Variants in TSPAN5 observed in about 807,000 individuals in gnomAD.
TSPAN5 encodes tetraspanin 5.
Under a neutral mutation model 37.1 loss-of-function variants are expected in TSPAN5, and 10 were observed. That is an observed-to-expected ratio of 0.27 (90% CI 0.17 to 0.46). The LOEUF is 0.46. Among genes scored for constraint, TSPAN5 ranks in the 20% least tolerant of loss-of-function variants. The pLI, the probability that TSPAN5 is intolerant of heterozygous loss-of-function variation, is 1.00. For missense variants in TSPAN5, 195 were observed against 326.6 expected (o/e 0.60, Z 3.11); for synonymous variants, 110 against 118.9 (o/e 0.93, Z 0.48).
intron 7 of TSPAN5, among the ~76,000 whole-genome samples, chr4:98,474,727 G>A (rs1305064468): frequency 5.3e-5 from 8 of 152,100 alleles, no homozygotes; most frequent in African/African-American, 1.7e-4. Context: ...AGGTTAGAGT[G>A]CAGTTGCATA....
chr4:98,605,896 G>A (rs753780019), intron 1 of TSPAN5, among the ~76,000 whole-genome samples: 17 of 152,150 alleles, frequency 1.1e-4, no homozygotes, highest in Admixed American at 3.9e-4. Context: ...TGGACTTCAC[G>A]GAGTTGTCCC....
chr4:98,624,885 G>C (rs1369031092), intron 1 of TSPAN5, among the ~76,000 whole-genome samples: 1 of 151,388 alleles, frequency 6.6e-6, no homozygotes, highest in Non-Finnish European at 1.5e-5. Flanking sequence ...AAATACACAA[G>C]ACTAACGCCA....
intron 1 of TSPAN5, among the ~76,000 whole-genome samples, chr4:98,556,659 G>C (rs1754758447): frequency 6.6e-6 from 1 of 152,148 alleles, no homozygotes; most frequent in African/African-American, 2.4e-5. Context: ...CTCACCAAAA[G>C]AGATGTGGTA....
intron 1 of TSPAN5, among the ~76,000 whole-genome samples, chr4:98,606,710 C>A (rs1756047428): frequency 6.6e-6 from 1 of 152,138 alleles, no homozygotes; most frequent in South Asian, 2.1e-4. Flanking sequence ...GAATTAAATG[C>A]AGAGGTTTTT....
intron 1 of TSPAN5, among the ~76,000 whole-genome samples, chr4:98,655,638 A>T (rs1407073892): frequency 1.3e-5 from 2 of 152,208 alleles, no homozygotes; most frequent in Admixed American, 6.5e-5. Context: ...TCTTCTTCAT[A>T]ATTGTATGGG....
At chr4:98,563,246 G>A (rs931513264) in intron 1 of TSPAN5, among the ~76,000 whole-genome samples, 4 of 152,150 alleles carry the variant, frequency 2.6e-5, no homozygotes, top group Admixed American at 1.3e-4. Flanking sequence ...AGGAGGGAAA[G>A]AGAAGAAACC....
rs550032897 is a variant in TSPAN5 at position 98,579,971 on chromosome 4, A to G, written c.82-72243T>C. On this transcript the variant is annotated intron_variant, in intron 1 of 7. Coordinates refer to ENST00000305798, the MANE Select transcript of TSPAN5 (RefSeq NM_005723.4). ...AATTATCCTCTAAAAGAATGAACGTATCATATATATGACTATAATAGTAAC... is the reference window on the plus strand; with the variant it reads ...AATTATCCTCTAAAAGAATGAACGTGTCATATATATGACTATAATAGTAAC... Among the ~76,000 whole-genome samples the G allele has an allele frequency of 7.9e-5, 12 of 152,332 alleles. No homozygotes were observed. The East Asian group carries it at 1.3e-3, about 17-fold the overall frequency.
chr4:98,566,902 C>T (rs1379760397), intron 1 of TSPAN5, among the ~76,000 whole-genome samples: 1 of 152,176 alleles, frequency 6.6e-6, no homozygotes. Flanking sequence ...GCCTCGGCCT[C>T]AAGAGGAGGA....
intron 1 of TSPAN5, among the ~76,000 whole-genome samples, chr4:98,587,196 CAGAT>C (rs1755510237): frequency 6.6e-6 from 1 of 152,206 alleles, no homozygotes; most frequent in South Asian, 2.1e-4. Flanking sequence ...GTAACAAAAG[CAGAT>C]AGATGCTCTG....
chr4:98,481,745 A>C (rs1752842610), intron 4 of TSPAN5, among the ~76,000 whole-genome samples: 1 of 152,246 alleles, frequency 6.6e-6, no homozygotes, highest in Non-Finnish European at 1.5e-5. Flanking sequence ...CCATGATTAT[A>C]ACGTTTTGCT....
At chr4:98,500,391 C>T (rs986802108) in intron 2 of TSPAN5, 5 of 152,304 alleles carry the variant, frequency 3.3e-5, no homozygotes, top group Admixed American at 1.3e-4. Flanking sequence ...TACAGCAAAG[C>T]CAAGGAGAAA....
chr4:98,486,722 A>T lies in TSPAN5; in HGVS notation c.279+16T>A, dbSNP rs1433380657. The T allele has an allele frequency of 6.2e-7, 1 of 1,613,866 alleles. No homozygotes were observed. On this transcript the variant is annotated intron_variant, in intron 3 of 7. Transcript: ENST00000305798. ...GTTTTGGCTCTCAATCTGAGAGTAG[A>T]GAGTGGAATACTTACAAACTTGAGA...
At chr4:98,579,703 T>C (rs562385263) in intron 1 of TSPAN5, among the ~76,000 whole-genome samples, 1 of 152,344 alleles carries the variant, frequency 6.6e-6, no homozygotes, top group Non-Finnish European at 1.5e-5. Context: ...ATCCTGCTTT[T>C]CAAGAGTTTC....
chr4:98,646,946 A>G (rs937665908), intron 1 of TSPAN5, among the ~76,000 whole-genome samples: 1 of 152,218 alleles, frequency 6.6e-6, no homozygotes, highest in Non-Finnish European at 1.5e-5. Flanking sequence ...TACTATTAAT[A>G]ATATTAATAC....
At position 98,612,315 on chromosome 4, in the gene TSPAN5, G is replaced by A. The variant is rs575761847; in HGVS notation, c.81+45831C>T. Among the ~76,000 whole-genome samples the A allele has an allele frequency of 3.0e-4, 46 of 152,300 alleles. No homozygotes were observed. The South Asian group carries it at 3.5e-3, about 12-fold the overall frequency. Reference sequence around the variant, plus strand: ...CAATACAAAAGGGTTGTAGGTGAATGAAGGCTTACAGCCCAGTCCTGCAAG... The same window carrying A: ...CAATACAAAAGGGTTGTAGGTGAATAAAGGCTTACAGCCCAGTCCTGCAAG... On this transcript the variant is annotated intron_variant, in intron 1 of 7. Transcript: ENST00000305798.
At chr4:98,512,628 A>C (rs1175482868) in intron 1 of TSPAN5, among the ~76,000 whole-genome samples, 1 of 152,188 alleles carries the variant, frequency 6.6e-6, no homozygotes, top group Non-Finnish European at 1.5e-5. Flanking sequence ...TCTGAATTCT[A>C]CAAAAGGAAG....
chr4:98,617,188 T>G (rs185587661), intron 1 of TSPAN5, among the ~76,000 whole-genome samples: 8 of 152,214 alleles, frequency 5.3e-5, no homozygotes, highest in African/African-American at 1.9e-4. Flanking sequence ...TGGGACTCAC[T>G]ATTCAAAAAA....
chr4:98,553,819 C>A (rs976902614), intron 1 of TSPAN5, among the ~76,000 whole-genome samples: 1 of 152,152 alleles, frequency 6.6e-6, no homozygotes, highest in Non-Finnish European at 1.5e-5. Context: ...GTAATCCTAG[C>A]ACTTTAGGAG....
At chr4:98,477,806 G>A (rs1203887599) in intron 5 of TSPAN5, among the ~76,000 whole-genome samples, 2 of 151,752 alleles carry the variant, frequency 1.3e-5, no homozygotes, top group African/African-American at 2.4e-5. Context: ...CCACGGGTGT[G>A]TGCCACCACA....
Sources: gnomAD v4.1 joint callset for allele counts (sites outside exome capture counted in the v4.1 genomes callset) on GRCh38, gnomAD v4.1.1 for gene constraint, MANE v1.5 for transcripts, NCBI Gene and HGNC (gene_info 2026-07-23, HGNC 2026-07-21) for gene names.